The following USP54 variants were observed in gnomAD, a reference collection of about 807,000 sequenced individuals.
USP54 encodes ubiquitin specific peptidase 54.
USP54 carries 87 observed loss-of-function variants against 170.5 expected under a neutral mutation model. The ratio of observed to expected loss-of-function variants is 0.51; its 90% CI spans 0.43 to 0.61. The LOEUF (loss-of-function observed/expected upper bound fraction) is 0.61. Ranked by LOEUF, USP54 falls within the 20% of genes least tolerant of loss-of-function variation. The pLI, the probability that USP54 is intolerant of heterozygous loss-of-function variation, is 0.00. For synonymous variants in USP54, 655 were observed against 742.8 expected (o/e 0.88, Z 1.92); for missense variants, 1,786 against 2,047.8 (o/e 0.87, Z 2.47).
intron 1 of USP54, among the ~76,000 whole-genome samples, chr10:73,609,296 C>G (rs762044924): frequency 5.3e-5 from 8 of 152,204 alleles, no homozygotes; most frequent in Admixed American, 6.5e-5. Context: ...ACATCCAAGA[C>G]AGGATGTACC....
chr10:73,602,226 A>C (rs1200770588), intron 1 of USP54, among the ~76,000 whole-genome samples: 1 of 152,186 alleles, frequency 6.6e-6, no homozygotes, highest in Non-Finnish European at 1.5e-5. Flanking sequence ...CAGTAATCCT[A>C]ATACAGAGAT....
At chr10:73,600,689 G>A (rs747691852) in intron 1 of USP54, among the ~76,000 whole-genome samples, 3 of 152,222 alleles carry the variant, frequency 2.0e-5, no homozygotes, top group South Asian at 2.1e-4. Flanking sequence ...TGAGGCAGGC[G>A]GATCACCTGA....
chr10:73,605,241 T>C (rs1392488710), intron 1 of USP54, among the ~76,000 whole-genome samples: 1 of 152,188 alleles, frequency 6.6e-6, no homozygotes, highest in Non-Finnish European at 1.5e-5. Context: ...ATTTTTTGTA[T>C]TTTTAGTAGA....
intron 4 of USP54, among the ~76,000 whole-genome samples, chr10:73,546,936 A>G (rs1203411235): frequency 6.6e-6 from 1 of 152,196 alleles, no homozygotes; most frequent in Non-Finnish European, 1.5e-5. Flanking sequence ...TAATACTGTG[A>G]GACCATTTAG....
At chr10:73,540,271 T>TAA (rs777390854) in intron 9 of USP54, among the ~76,000 whole-genome samples, 3 of 131,926 alleles carry the variant, frequency 2.3e-5, no homozygotes, top group Non-Finnish European at 5.0e-5. Flanking sequence ...AAAGTTGGAT[T>TAA]AAAAAAAAAA....
intron 1 of USP54, among the ~76,000 whole-genome samples, chr10:73,582,665 T>C (rs77443793): frequency 0.035 from 5,364 of 152,288 alleles, 154 homozygotes; most frequent in South Asian, 0.11. Flanking sequence ...TTGTGAACCA[T>C]GCGGTGGCAC....
At chr10:73,619,105 C>T (rs573120529) in intron 1 of USP54, among the ~76,000 whole-genome samples, 14 of 150,264 alleles carry the variant, frequency 9.3e-5, no homozygotes, top group African/African-American at 3.0e-4. Context: ...CCCAGCTACT[C>T]GGGAGGCTGA....
At chr10:73,594,014 G>A (rs1300311555), upstream of USP54, among the ~76,000 whole-genome samples, 2 of 152,016 alleles carry the variant, frequency 1.3e-5, no homozygotes, top group African/African-American at 4.8e-5. Context: ...TGCTGATGTC[G>A]GCAGTAAAGG....
chr10:73,600,376 G>A (rs1017297311), intron 1 of USP54, among the ~76,000 whole-genome samples: 3 of 152,116 alleles, frequency 2.0e-5, no homozygotes, highest in Non-Finnish European at 2.9e-5. Context: ...ATCCTGTGGT[G>A]ATGAAAATAT....
At chr10:73,520,607 G>C (rs980126242) in intron 18 of USP54, among the ~76,000 whole-genome samples, 1 of 152,182 alleles carries the variant, frequency 6.6e-6, no homozygotes, top group African/African-American at 2.4e-5. Context: ...ACTAGCAAAA[G>C]AGCAGACTAA....
chr10:73,607,633 T>C (rs2132295685), intron 1 of USP54, among the ~76,000 whole-genome samples: 1 of 150,670 alleles, frequency 6.6e-6, no homozygotes, highest in African/African-American at 2.4e-5. Context: ...GAGTTCAAGA[T>C]CACCCTGACC....
intron 10 of USP54, 46 bp from the exon 11 acceptor site, chr10:73,536,483 C>A: frequency 6.8e-7 from 1 of 1,474,884 alleles, no homozygotes; most frequent in East Asian, 2.4e-5. Flanking sequence ...TACTTTATAC[C>A]CACAATTCAC....
At chr10:73,613,290 C>A (rs1355308747) in intron 1 of USP54, among the ~76,000 whole-genome samples, 1 of 151,672 alleles carries the variant, frequency 6.6e-6, no homozygotes, top group Non-Finnish European at 1.5e-5. Context: ...TGCCACCATG[C>A]CCAGCTAATT....
chr10:73,545,353 A>G (rs2067554742), intron 5 of USP54, among the ~76,000 whole-genome samples, 185 bp downstream of exon 5: 1 of 152,184 alleles, frequency 6.6e-6, no homozygotes, highest in Non-Finnish European at 1.5e-5. Flanking sequence ...CCACCAGCCT[A>G]AAGGAAAAAT....
intron 10 of USP54, among the ~76,000 whole-genome samples, chr10:73,538,917 C>T (rs1184340402): frequency 1.3e-5 from 2 of 152,028 alleles, no homozygotes; most frequent in Non-Finnish European, 2.9e-5. Flanking sequence ...TTCCTATCCT[C>T]GAAGAACTAG....
At chr10:73,531,387 C>T (rs1294373088) in intron 12 of USP54, among the ~76,000 whole-genome samples, 1 of 152,054 alleles carries the variant, frequency 6.6e-6, no homozygotes, top group African/African-American at 2.4e-5. Flanking sequence ...CCTAATCTTC[C>T]CCAGTGACCC....
intron 4 of USP54, among the ~76,000 whole-genome samples, chr10:73,564,794 A>ATTAATATG: frequency 6.6e-6 from 1 of 151,910 alleles, no homozygotes; most frequent in Non-Finnish European, 1.5e-5. Flanking sequence ...TATGGTGGTC[A>ATTAATATG]AGCATAGTGG....
chr10:73,546,248 A>C (rs1458219500), intron 4 of USP54, among the ~76,000 whole-genome samples: 1 of 152,200 alleles, frequency 6.6e-6, no homozygotes, highest in Non-Finnish European at 1.5e-5. Flanking sequence ...TCATATCATA[A>C]ATTTGTTGTA....
intron 12 of USP54, among the ~76,000 whole-genome samples, chr10:73,532,208 T>C (rs1440881556): frequency 6.6e-6 from 1 of 152,086 alleles, no homozygotes; most frequent in Non-Finnish European, 1.5e-5. Context: ...AGTCTCGCTC[T>C]GTCACCCAGG....
Sources: allele counts gnomAD v4.1 joint callset (sites outside exome capture counted in the v4.1 genomes callset), GRCh38; gene constraint gnomAD v4.1.1; transcripts MANE v1.5; gene names NCBI Gene and HGNC (gene_info 2026-07-23, HGNC 2026-07-21).